Variants in SCHIP1 observed in about 807,000 individuals in gnomAD.
SCHIP1 encodes schwannomin interacting protein 1, also known as schwannomin-interacting protein 1.
Under a neutral mutation model 29.7 loss-of-function variants are expected in SCHIP1, and 8 were observed. The ratio of observed to expected loss-of-function variants is 0.27; its 90% confidence interval spans 0.16 to 0.49. The LOEUF (loss-of-function observed/expected upper bound fraction) is 0.49. SCHIP1 is among the 20% of genes least tolerant of loss of function. The probability of loss-of-function intolerance (pLI) is 0.99; values close to 1 mark genes in which losing one functional copy is unlikely to be tolerated. For missense variants in SCHIP1, 193 were observed against 294.6 expected, an observed-to-expected ratio of 0.66 and a Z score of 2.52; for synonymous variants, 76 against 94.9, an observed-to-expected ratio of 0.80 and a Z score of 1.16.
chr3:159,679,236 AAG>A, the SCHIP1 span, among the ~76,000 whole-genome samples: 1 of 151,350 alleles, frequency 6.6e-6, no homozygotes. Flanking sequence ...ACGTGTTATG[AAG>A]AAAAAAAAAA....
chr3:159,554,014 GTGTGTT>G, the SCHIP1 span, among the ~76,000 whole-genome samples: 177 of 103,338 alleles, frequency 1.7e-3, no homozygotes, highest in African/African-American at 7.9e-3. Context: ...GTGTGTGTGT[GTGTGTT>G]TGTGTATGTG....
At chr3:159,556,829 T>C in the SCHIP1 span, among the ~76,000 whole-genome samples, 2 of 148,126 alleles carry the variant, frequency 1.4e-5, no homozygotes, top group Non-Finnish European at 3.0e-5. Context: ...AATGACGAGT[T>C]AATGGTGCAG....
chr3:159,794,056 CA>C, the SCHIP1 span, among the ~76,000 whole-genome samples: 2 of 152,216 alleles, frequency 1.3e-5, no homozygotes, highest in Admixed American at 1.3e-4. Context: ...TTAACGTCAT[CA>C]CATCTATGGA....
chr3:159,484,137 G>T, the SCHIP1 span, among the ~76,000 whole-genome samples: 1 of 152,142 alleles, frequency 6.6e-6, no homozygotes, highest in Non-Finnish European at 1.5e-5. Flanking sequence ...ATGATCATAG[G>T]AGTTTATACT....
the SCHIP1 span, among the ~76,000 whole-genome samples, chr3:159,475,190 C>A: frequency 6.6e-6 from 1 of 152,104 alleles, no homozygotes; most frequent in Non-Finnish European, 1.5e-5. Context: ...TGTGCATCAA[C>A]TGATGAATGA....
the SCHIP1 span, among the ~76,000 whole-genome samples, chr3:159,703,509 G>T: frequency 3.7e-3 from 567 of 151,546 alleles, 1 homozygote; most frequent in African/African-American, 0.013. Context: ...TGAACTAGAG[G>T]TCCCACAGCA....
the SCHIP1 span, among the ~76,000 whole-genome samples, chr3:159,713,746 T>C: frequency 1.3e-5 from 2 of 152,234 alleles, no homozygotes; most frequent in South Asian, 4.1e-4. Context: ...GGGGGTTTAA[T>C]TTGGCTGGTG....
At chr3:159,652,125 A>G in the SCHIP1 span, among the ~76,000 whole-genome samples, 23 of 151,896 alleles carry the variant, frequency 1.5e-4, no homozygotes, top group Non-Finnish European at 3.4e-4. Context: ...AATTGCTACC[A>G]TGTGCTTTTG....
chr3:159,757,823 G>A, the SCHIP1 span, among the ~76,000 whole-genome samples: 12 of 152,318 alleles, frequency 7.9e-5, no homozygotes, highest in East Asian at 1.9e-3. Context: ...GCCTCCTGCT[G>A]TGTGGCACTG....
intron 1 of SCHIP1, among the ~76,000 whole-genome samples, chr3:159,860,335 A>T (rs1713907710): frequency 6.6e-6 from 1 of 152,198 alleles, no homozygotes; most frequent in Non-Finnish European, 1.5e-5. Flanking sequence ...CTTAGAGAAG[A>T]TCTCCTGCAA....
chr3:159,428,273 A>G, the SCHIP1 span, among the ~76,000 whole-genome samples: 1 of 152,172 alleles, frequency 6.6e-6, no homozygotes, highest in Non-Finnish European at 1.5e-5. Context: ...ACAAAATGGG[A>G]GAAAATTTTC....
chr3:159,450,644 G>A, the SCHIP1 span, among the ~76,000 whole-genome samples: 1 of 152,050 alleles, frequency 6.6e-6, no homozygotes, highest in African/African-American at 2.4e-5. Flanking sequence ...GCAGGAGCGT[G>A]GCACTTGCTG....
the SCHIP1 span, among the ~76,000 whole-genome samples, chr3:159,587,328 C>T: frequency 1.6e-4 from 25 of 151,650 alleles, no homozygotes; most frequent in East Asian, 2.9e-3. Flanking sequence ...GTTTTATTCT[C>T]ATGTTAACAC....
At chr3:159,510,955 T>G in the SCHIP1 span, among the ~76,000 whole-genome samples, 1 of 152,208 alleles carries the variant, frequency 6.6e-6, no homozygotes, top group South Asian at 2.1e-4. Flanking sequence ...TTCTCAGATC[T>G]CAAACTCCGT....
At chr3:159,486,363 T>A in the SCHIP1 span, among the ~76,000 whole-genome samples, 1 of 152,140 alleles carries the variant, frequency 6.6e-6, no homozygotes, top group African/African-American at 2.4e-5. Flanking sequence ...GAATTCAAGG[T>A]TTTTAGATTC....
At chr3:159,700,813 CA>C in the SCHIP1 span, among the ~76,000 whole-genome samples, 2,378 of 90,722 alleles carry the variant, frequency 0.026, 35 homozygotes, top group African/African-American at 0.071. Flanking sequence ...GAATCCAACT[CA>C]AAAAAAAAAA....
chr3:159,282,781 A>T, the SCHIP1 span: 2 of 151,848 alleles, frequency 1.3e-5, no homozygotes, highest in Admixed American at 1.3e-4. Context: ...TCTGTTTCTG[A>T]ACTACCTTCA....
the SCHIP1 span, among the ~76,000 whole-genome samples, chr3:159,429,445 G>A: frequency 6.6e-6 from 1 of 152,180 alleles, no homozygotes; most frequent in African/African-American, 2.4e-5. Flanking sequence ...AAGCATCTAA[G>A]TGACAAGTTA....
At chr3:159,362,698 T>C in the SCHIP1 span, among the ~76,000 whole-genome samples, 1 of 152,114 alleles carries the variant, frequency 6.6e-6, no homozygotes, top group Non-Finnish European at 1.5e-5. Context: ...CAGGCCAGGA[T>C]TTCCCCCCCG....
Sources: allele counts gnomAD v4.1 joint callset (sites outside exome capture counted in the v4.1 genomes callset), GRCh38; gene constraint gnomAD v4.1.1; transcripts MANE v1.5; gene names NCBI Gene and HGNC (gene_info 2026-07-23, HGNC 2026-07-21).